ATIC: variants seen among roughly 807,000 people sequenced by gnomAD.
ATIC encodes the protein 5-aminoimidazole-4-carboxamide ribonucleotide formyltransferase/IMP cyclohydrolase.
In ATIC, 64 loss-of-function variants were observed where a neutral mutation model predicts 72.5. That is an observed-to-expected ratio of 0.88 (90% CI 0.72 to 1.09). The LOEUF is 1.09. ATIC is among the 50% of genes least tolerant of loss of function. The pLI, the probability that ATIC is intolerant of heterozygous loss-of-function variation, is 0.00. For synonymous variants in ATIC, 281 were observed against 267.1 expected, an observed-to-expected ratio of 1.05 and a Z score of -0.51; for missense variants, 787 against 732.4, an observed-to-expected ratio of 1.07 and a Z score of -0.86.
the ATIC span, chr2:215,363,170 T>C: frequency 2.0e-5 from 3 of 152,184 alleles, no homozygotes; most frequent in Non-Finnish European, 4.4e-5. Context: ...AAGTGAACAG[T>C]TTCCACTCCT....
At chr2:215,347,466 C>T (rs1249506807) in intron 14 of ATIC, among the ~76,000 whole-genome samples, 3 of 152,084 alleles carry the variant, frequency 2.0e-5, no homozygotes, top group East Asian at 1.9e-4. Flanking sequence ...CAATCGCAAA[C>T]GTTAGGTAGG....
chr2:215,337,713 G>GT (rs1357284959), intron 11 of ATIC, among the ~76,000 whole-genome samples: 1 of 152,152 alleles, frequency 6.6e-6, no homozygotes, highest in Non-Finnish European at 1.5e-5. Flanking sequence ...TGTTAAGAGT[G>GT]TTATGTACTT....
At chr2:215,334,027 G>A (rs2052926336) in intron 9 of ATIC, among the ~76,000 whole-genome samples, 1 of 150,354 alleles carries the variant, frequency 6.7e-6, no homozygotes, top group Non-Finnish European at 1.5e-5. Flanking sequence ...GGGTGACAGA[G>A]CGATACTCCG....
chr2:215,361,219 T>C, the ATIC span: 12 of 294,726 alleles, frequency 4.1e-5, no homozygotes, highest in Non-Finnish European at 7.2e-5. Flanking sequence ...ATTTTGGTCA[T>C]ATCATTTCAA....
At chr2:215,323,253 G>A (rs1223720574) in intron 4 of ATIC, among the ~76,000 whole-genome samples, 2 of 151,814 alleles carry the variant, frequency 1.3e-5, no homozygotes, top group Admixed American at 6.6e-5. Context: ...CCCCAACTTC[G>A]TTTTTTTTAT....
chr2:215,317,746 T>C (rs933265462), intron 2 of ATIC, among the ~76,000 whole-genome samples: 1 of 152,060 alleles, frequency 6.6e-6, no homozygotes, highest in African/African-American at 2.4e-5. Context: ...GCCTCAGCCT[T>C]CCAAAGTGCT....
In ATIC at chr2:215,335,967, T is replaced by C. The variant is rs1351919991; in HGVS notation, c.1009-68T>C. 3 of 1,238,084 alleles carry C rather than the reference T, an allele frequency of 2.4e-6. No individual in the cohort carries two copies. The African/African-American group carries it at 4.6e-5, about 19-fold the overall frequency. 76.7% of individuals were successfully genotyped at this position (1,238,084 alleles called of 1,614,324 possible). ...CACATTATTTAAGACTGATAATTGCTGCTAGATTTTTTTAAGAGGTGTTCT... is the reference window on the plus strand; with the variant it reads ...CACATTATTTAAGACTGATAATTGCCGCTAGATTTTTTTAAGAGGTGTTCT... On this transcript the variant is annotated intron_variant, in intron 10 of 15. Coordinates refer to ENST00000236959, the MANE Select transcript of ATIC (RefSeq NM_004044.7).
intron 2 of ATIC, 125 bp downstream of exon 2, chr2:215,312,749 T>C (rs1310225259): frequency 3.5e-6 from 5 of 1,438,234 alleles, no homozygotes; most frequent in Non-Finnish European, 4.8e-6. Flanking sequence ...GTTGGTGTAA[T>C]ACTTCCCCAC....
At position 215,326,809 on chromosome 2, in the gene ATIC, A is replaced by G; in HGVS notation, c.532-13A>G. The stretch of plus-strand genomic sequence containing the variant: ...GTGCTGCTCGTGTCTCACAAAACTT[A>G]CGCTTTTTGTAGGCATTCACTCATA... On this transcript the variant is annotated splice_polypyrimidine_tract_variant and intron_variant, in intron 6 of 15. Coordinates refer to ENST00000236959, the MANE Select transcript of ATIC (RefSeq NM_004044.7). The G allele has an allele frequency of 1.2e-6, 2 of 1,613,828 alleles. No homozygotes were observed. The highest frequency in any genetic ancestry group is 1.7e-6 in the Non-Finnish European group (2 of 1,179,970).
chr2:215,319,402 G>A (rs2052743512), intron 3 of ATIC, among the ~76,000 whole-genome samples: 1 of 151,996 alleles, frequency 6.6e-6, no homozygotes, highest in Non-Finnish European at 1.5e-5. Flanking sequence ...GACCAGCTGG[G>A]TGTGGTGATG....
the ATIC span, among the ~76,000 whole-genome samples, chr2:215,364,137 G>A: frequency 1.3e-5 from 2 of 152,216 alleles, no homozygotes; most frequent in Non-Finnish European, 2.9e-5. Context: ...GCTTGACTTT[G>A]AAATGTATGC....
intron 8 of ATIC, 37 bp downstream of exon 8, chr2:215,332,544 C>A: frequency 6.2e-7 from 1 of 1,609,162 alleles, no homozygotes; most frequent in South Asian, 1.1e-5. Context: ...CAGAATTGTT[C>A]GAAAGGCATT....
At chr2:215,329,009 G>A (rs764002797) in intron 7 of ATIC, among the ~76,000 whole-genome samples, 1 of 152,186 alleles carries the variant, frequency 6.6e-6, no homozygotes, top group Non-Finnish European at 1.5e-5. Context: ...GAGCCACAGC[G>A]CCCAGCCAGG....
At chr2:215,313,116 C>T (rs2052673135) in intron 2 of ATIC, among the ~76,000 whole-genome samples, 2 of 152,248 alleles carry the variant, frequency 1.3e-5, no homozygotes, top group South Asian at 2.1e-4. Flanking sequence ...ACAGATTTAG[C>T]ATCTTCTGCA....
downstream of ATIC, among the ~76,000 whole-genome samples, chr2:215,354,367 A>G (rs2053151879): frequency 6.6e-6 from 1 of 152,100 alleles, no homozygotes; most frequent in African/African-American, 2.4e-5. Context: ...TCAAGCTTCT[A>G]TAATGTGTTT....
chr2:215,333,711 G>T (rs1186118666), intron 9 of ATIC, among the ~76,000 whole-genome samples: 1 of 152,064 alleles, frequency 6.6e-6, no homozygotes, highest in African/African-American at 2.4e-5. Context: ...GATTGATTCT[G>T]TGAGTACCTC....
At chr2:215,318,037 A>G (rs2052728059) in intron 2 of ATIC, 120 bp from the exon 3 acceptor site, 1 of 877,308 alleles carries the variant, frequency 1.1e-6, no homozygotes, top group African/African-American at 1.7e-5. Flanking sequence ...TTAAAAAATC[A>G]GAATTTTCAC....
At chr2:215,353,725 C>G (rs1260046122), downstream of ATIC, among the ~76,000 whole-genome samples, 1 of 152,026 alleles carries the variant, frequency 6.6e-6, no homozygotes, top group African/African-American at 2.4e-5. Flanking sequence ...CCACACCCAG[C>G]TAATTTTTGT....
At chr2:215,314,631 T>A (rs2052689940) in intron 2 of ATIC, among the ~76,000 whole-genome samples, 1 of 152,088 alleles carries the variant, frequency 6.6e-6, no homozygotes, top group Admixed American at 6.6e-5. Context: ...CCCAAGTAGC[T>A]AGGATTACAG....
Sources: gnomAD v4.1 joint callset for allele counts (sites outside exome capture counted in the v4.1 genomes callset) on GRCh38, gnomAD v4.1.1 for gene constraint, MANE v1.5 for transcripts, NCBI Gene and HGNC (gene_info 2026-07-23, HGNC 2026-07-21) for gene names.